CRIM1: variants seen among roughly 807,000 people sequenced by gnomAD.
CRIM1 encodes the protein cysteine rich transmembrane BMP regulator 1.
In CRIM1, 32 loss-of-function variants were observed where a neutral mutation model predicts 116.4. The ratio of observed to expected loss-of-function variants is 0.27; its 90% CI spans 0.21 to 0.37. The LOEUF is 0.37. Among genes scored for constraint, CRIM1 ranks in the 10% least tolerant of loss-of-function variants. The pLI is 1.00. For missense variants in CRIM1, 1,331 were observed against 1,354.8 expected (o/e 0.98, Z 0.28); for synonymous variants, 590 against 509.2 (o/e 1.16, Z -2.13).
At chr2:36,493,333 TTTC>T (rs1680361165) in intron 7 of CRIM1, among the ~76,000 whole-genome samples, 1 of 152,190 alleles carries the variant, frequency 6.6e-6, no homozygotes. Flanking sequence ...CAGAAAGACT[TTTC>T]TTAGTGTGTG....
intron 2 of CRIM1, among the ~76,000 whole-genome samples, chr2:36,398,719 A>G (rs1572643568): frequency 6.6e-6 from 1 of 152,222 alleles, no homozygotes; most frequent in East Asian, 1.9e-4. Context: ...GTGCTTTGTT[A>G]TTCAAAATAA....
intron 5 of CRIM1, among the ~76,000 whole-genome samples, chr2:36,472,124 A>G (rs1678575423): frequency 1.3e-5 from 2 of 152,228 alleles, no homozygotes. Flanking sequence ...CATACAAAAA[A>G]TCACTAAAAA....
chr2:36,484,942 C>T (rs1463541888), intron 7 of CRIM1, among the ~76,000 whole-genome samples: 1 of 152,216 alleles, frequency 6.6e-6, no homozygotes, highest in Non-Finnish European at 1.5e-5. Context: ...CATGTTCTAT[C>T]TCTAACAGGA....
intron 1 of CRIM1, among the ~76,000 whole-genome samples, chr2:36,382,703 G>C (rs377043399): frequency 6.6e-6 from 1 of 152,226 alleles, no homozygotes; most frequent in Non-Finnish European, 1.5e-5. Context: ...GAGTTGGCCT[G>C]TGTCTCCTGG....
chr2:36,380,153 A>G (rs1395781139), intron 1 of CRIM1, among the ~76,000 whole-genome samples: 1 of 152,144 alleles, frequency 6.6e-6, no homozygotes, highest in African/African-American at 2.4e-5. Flanking sequence ...GTCTGCGTTT[A>G]TCAGTCAGGT....
intron 16 of CRIM1, among the ~76,000 whole-genome samples, chr2:36,547,860 T>C (rs1328808638): frequency 4.6e-5 from 7 of 152,252 alleles, no homozygotes; most frequent in Admixed American, 1.3e-4. Context: ...ACTCTAATTC[T>C]ACCTTTTGCC....
chr2:36,521,958 T>G, intron 12 of CRIM1, 134 bp from the exon 13 acceptor site: 1 of 681,052 alleles, frequency 1.5e-6, no homozygotes. Context: ...TCATACTTTC[T>G]GATTTGTTAC....
chr2:36,371,907 A>T (rs1449706929), intron 1 of CRIM1, among the ~76,000 whole-genome samples: 3 of 152,230 alleles, frequency 2.0e-5, no homozygotes, highest in Non-Finnish European at 1.5e-5. Context: ...AACACACTTC[A>T]GATGACCATA....
chr2:36,530,957 G>A (rs11681392), intron 13 of CRIM1, among the ~76,000 whole-genome samples: 6 of 151,982 alleles, frequency 3.9e-5, no homozygotes, highest in African/African-American at 1.2e-4. Flanking sequence ...CCTTGTTCAC[G>A]TCTGCATCCC....
intron 2 of CRIM1, among the ~76,000 whole-genome samples, chr2:36,422,548 G>C (rs1324337187): frequency 6.6e-6 from 1 of 152,178 alleles, no homozygotes; most frequent in Non-Finnish European, 1.5e-5. Flanking sequence ...TCGCTCTTCA[G>C]ATTCACCATG....
intron 9 of CRIM1, among the ~76,000 whole-genome samples, chr2:36,512,029 G>C (rs1664723870): frequency 6.6e-6 from 1 of 152,218 alleles, no homozygotes; most frequent in African/African-American, 2.4e-5. Context: ...TCATGTCATT[G>C]AGATTCTGAG....
chr2:36,509,995 G>A lies in CRIM1; in HGVS notation c.1514G>A (p.Cys505Tyr), dbSNP rs779872465. 1.2e-6 allele frequency: 2 copies of A among 1,614,008 alleles called. No individual in the cohort carries two copies. The highest frequency in any genetic ancestry group is 1.1e-5 in the South Asian group (1 of 91,038). Residue 505 changes from cysteine to tyrosine, a missense_variant, in exon 9 of 17, where the codon TGT becomes TAT. Cys to Tyr is a radical substitution (Grantham distance 194). Coordinates refer to ENST00000280527, the MANE Select transcript of CRIM1 (RefSeq NM_016441.3). ...TGTGTCTTCACAGCCGAGGAACTAT[G>A]TTCAGAACGTAAACAAGGCTGCACC... ...TCQCINTEEL[C>Y]SERKQGCTLN...
intron 2 of CRIM1, among the ~76,000 whole-genome samples, chr2:36,413,979 G>A (rs1180451516): frequency 1.3e-5 from 2 of 152,194 alleles, no homozygotes; most frequent in Admixed American, 6.5e-5. Flanking sequence ...ATAACAGTAT[G>A]CTGGAGACAT....
At chr2:36,429,973 A>G (rs1674755514) in intron 2 of CRIM1, among the ~76,000 whole-genome samples, 1 of 152,196 alleles carries the variant, frequency 6.6e-6, no homozygotes, top group Non-Finnish European at 1.5e-5. Flanking sequence ...AGTTGTTAAA[A>G]TAAGCCGGGG....
chr2:36,356,645 C>T lies in CRIM1; in HGVS notation c.331+22C>T, dbSNP rs375489342. On this transcript the variant is annotated intron_variant, in intron 1 of 16. Coordinates refer to ENST00000280527, the MANE Select transcript of CRIM1 (RefSeq NM_016441.3). The surrounding 1 kb of genome is among the most constrained non-coding windows in gnomAD (Gnocchi z 4.3). ...GAAGGTACGGCCGCCCGCTGCGGGC[C>T]CCCTCCCACCTGGCCTGCGCCGCCC... is the stretch of plus-strand genomic sequence containing the variant. 73 of 1,593,714 alleles carry T rather than the reference C, an allele frequency of 4.6e-5. No homozygotes were observed. Among genetic ancestry groups the T allele is most frequent in the Non-Finnish European group, 6.1e-5 (71 of 1,172,204 alleles).
At chr2:36,382,251 A>G (rs1046436834) in intron 1 of CRIM1, among the ~76,000 whole-genome samples, 3 of 152,272 alleles carry the variant, frequency 2.0e-5, no homozygotes, top group South Asian at 4.1e-4. Context: ...TTCACTGGGG[A>G]TGTTTAAAAT....
At chr2:36,381,516 T>G (rs1670771235) in intron 1 of CRIM1, among the ~76,000 whole-genome samples, 1 of 152,268 alleles carries the variant, frequency 6.6e-6, no homozygotes, top group Non-Finnish European at 1.5e-5. Context: ...GCAATTGTAG[T>G]AGGAGAGGAC....
rs1572933954 is a variant in CRIM1 at position 36,527,600 on chromosome 2, T to C, written c.2428+5287T>C. Among the ~76,000 whole-genome samples, 3 of 152,320 alleles carry C rather than the reference T, an allele frequency of 2.0e-5. 1 individual carries two copies. The highest frequency in any genetic ancestry group is 2.0e-4 in the Admixed American group (3 of 15,298). ...ATGTCTATACCTTATATCAAGTCAA[T>C]ACATTATTCCTTTTGCTTAGATTTC... On this transcript the variant is annotated intron_variant, in intron 13 of 16. Coordinates refer to ENST00000280527, the MANE Select transcript of CRIM1 (RefSeq NM_016441.3).
chr2:36,414,714 A>AC (rs1412956863), intron 2 of CRIM1, among the ~76,000 whole-genome samples: 1 of 152,282 alleles, frequency 6.6e-6, no homozygotes, highest in South Asian at 2.1e-4. Context: ...ATGTTCAGTG[A>AC]CCCCAGTATG....
Sources: allele counts gnomAD v4.1 joint callset (sites outside exome capture counted in the v4.1 genomes callset), GRCh38; gene constraint gnomAD v4.1.1; non-coding constraint Gnocchi (gnomAD v3.1); transcripts MANE v1.5; gene names NCBI Gene and HGNC (gene_info 2026-07-23, HGNC 2026-07-21).